The following CLEC16A variants were observed in gnomAD, a reference collection of about 807,000 sequenced individuals.
CLEC16A encodes protein CLEC16A.
CLEC16A carries 51 observed loss-of-function variants against 109.5 expected under a neutral mutation model. That is an observed-to-expected ratio of 0.47 (90% CI 0.37 to 0.59). The LOEUF (loss-of-function observed/expected upper bound fraction) is 0.59. Among genes scored for constraint, CLEC16A ranks in the 20% least tolerant of loss-of-function variants. CLEC16A has a pLI of 0.00. For missense variants in CLEC16A, 1,339 were observed against 1,394.0 expected, an observed-to-expected ratio of 0.96 and a Z score of 0.63; for synonymous variants, 673 against 564.2, an observed-to-expected ratio of 1.19 and a Z score of -2.73.
At chr16:10,986,753 G>GTGTGTGTC (rs1338673216) in intron 10 of CLEC16A, among the ~76,000 whole-genome samples, 1 of 138,802 alleles carries the variant, frequency 7.2e-6, no homozygotes, top group African/African-American at 2.8e-5. Flanking sequence ...GTGTGTGTGT[G>GTGTGTGTC]TGTGTGTGTA....
chr16:11,099,893 T>C (rs2050813307), intron 19 of CLEC16A, among the ~76,000 whole-genome samples: 1 of 152,118 alleles, frequency 6.6e-6, no homozygotes, highest in Non-Finnish European at 1.5e-5. Flanking sequence ...GCCTGTGCTG[T>C]GTTTAAGTGT....
intron 19 of CLEC16A, among the ~76,000 whole-genome samples, chr16:11,087,609 A>G (rs932665426): frequency 2.0e-5 from 3 of 152,254 alleles, no homozygotes; most frequent in Non-Finnish European, 2.9e-5. Flanking sequence ...ATTCAACCCC[A>G]GGTTCTTTTT....
chr16:11,127,197 T>C (rs2052886571), intron 22 of CLEC16A, among the ~76,000 whole-genome samples: 1 of 152,196 alleles, frequency 6.6e-6, no homozygotes, highest in Non-Finnish European at 1.5e-5. Context: ...ACACATGGGG[T>C]ATACCGTATG....
At chr16:11,156,793 C>T (rs1485426569) in intron 22 of CLEC16A, 1 of 633,954 alleles carries the variant, frequency 1.6e-6, no homozygotes, top group Admixed American at 2.6e-5. Flanking sequence ...AAGGTTGCAC[C>T]ACTGCGAGAG....
At chr16:11,041,158 CTATGAGACCTAGG>C (rs776673121) in intron 14 of CLEC16A, 1 of 152,262 alleles carries the variant, frequency 6.6e-6, no homozygotes. Context: ...CACTACCCAG[CTATGAGACCTAGG>C]ACAAGTCACT....
chr16:11,096,264 G>GAGTCCGGGAAGTCAAGCCTAT (rs1359535882), intron 19 of CLEC16A, among the ~76,000 whole-genome samples: 2 of 152,064 alleles, frequency 1.3e-5, no homozygotes, highest in African/African-American at 4.8e-5. Flanking sequence ...AGGATCATTT[G>GAGTCCGGGAAGTCAAGCCTAT]AGTCCGGGAA....
chr16:11,052,849 G>A (rs888928182), intron 18 of CLEC16A, among the ~76,000 whole-genome samples: 7 of 152,014 alleles, frequency 4.6e-5, no homozygotes, highest in African/African-American at 1.7e-4. Context: ...AGGACTGAAC[G>A]CTGAGCACTG....
intron 19 of CLEC16A, among the ~76,000 whole-genome samples, chr16:11,102,287 C>G (rs1319442956): frequency 6.6e-6 from 1 of 152,176 alleles, no homozygotes; most frequent in Non-Finnish European, 1.5e-5. Context: ...CAGAATGTTG[C>G]TCTGCTGCCC....
intron 11 of CLEC16A, among the ~76,000 whole-genome samples, chr16:11,015,160 C>T (rs977722318): frequency 5.8e-4 from 88 of 152,154 alleles, no homozygotes; most frequent in African/African-American, 1.7e-3. Flanking sequence ...AGATCTGATC[C>T]GCATTCATCT....
intron 19 of CLEC16A, among the ~76,000 whole-genome samples, chr16:11,111,346 T>C (rs2051571565): frequency 1.3e-5 from 2 of 152,210 alleles, no homozygotes; most frequent in Admixed American, 1.3e-4. Flanking sequence ...GCCTGGACCT[T>C]GGTTTCTCTC....
At chr16:11,136,840 C>T (rs1010658140) in intron 22 of CLEC16A, among the ~76,000 whole-genome samples, 14 of 152,212 alleles carry the variant, frequency 9.2e-5, no homozygotes, top group African/African-American at 2.4e-4. Context: ...ATTGGCACTG[C>T]GCCCATCTGA....
intron 19 of CLEC16A, among the ~76,000 whole-genome samples, chr16:11,090,256 A>G (rs1335482686): frequency 1.3e-5 from 2 of 152,072 alleles, no homozygotes; most frequent in Non-Finnish European, 1.5e-5. Flanking sequence ...GGGACTCGCT[A>G]TGTTGCCCAG....
chr16:11,073,163 C>G (rs184902392), intron 19 of CLEC16A, among the ~76,000 whole-genome samples: 2 of 152,206 alleles, frequency 1.3e-5, no homozygotes, highest in Admixed American at 1.3e-4. Flanking sequence ...AGTTGGATTG[C>G]AAGGCGAGTG....
chr16:10,971,106 G>A lies in CLEC16A; in HGVS notation c.493-19G>A, dbSNP rs199868443. ...GCTTATGGGCTTATAATTTGTTTTC[G>A]TTATTTCTTTTGTTTTAGCACACCA... On this transcript the variant is annotated intron_variant, in intron 4 of 23. Transcript: ENST00000409790. The A allele has an allele frequency of 7.6e-6, 12 of 1,569,082 alleles. No individual in the cohort carries two copies. The highest frequency in any genetic ancestry group is 3.4e-5 in the Admixed American group (2 of 59,356).
At chr16:10,974,480 C>T (rs1466274736) in intron 7 of CLEC16A, among the ~76,000 whole-genome samples, 2 of 152,122 alleles carry the variant, frequency 1.3e-5, no homozygotes, top group African/African-American at 2.4e-5. Flanking sequence ...CTGTCCTGTG[C>T]GTTGTAGGAT....
chr16:11,035,473 G>A (rs905883711), intron 13 of CLEC16A, among the ~76,000 whole-genome samples: 5 of 152,184 alleles, frequency 3.3e-5, no homozygotes, highest in Admixed American at 1.3e-4. Context: ...GGGAAAGAGC[G>A]TTAACCAGCG....
At chr16:11,050,008 C>T (rs1391736398) in intron 17 of CLEC16A, among the ~76,000 whole-genome samples, 1 of 152,208 alleles carries the variant, frequency 6.6e-6, no homozygotes, top group East Asian at 1.9e-4. Flanking sequence ...AGTATGTTTT[C>T]TGCAGCTATA....
At chr16:11,132,880 G>A (rs1412828837) in intron 22 of CLEC16A, among the ~76,000 whole-genome samples, 1 of 152,084 alleles carries the variant, frequency 6.6e-6, no homozygotes, top group East Asian at 1.9e-4. Context: ...ACAGAGGATG[G>A]GGCTGGAGGA....
At chr16:11,063,260 G>A (rs968499884) in intron 19 of CLEC16A, among the ~76,000 whole-genome samples, 4 of 142,652 alleles carry the variant, frequency 2.8e-5, no homozygotes, top group African/African-American at 7.8e-5. Context: ...TGGTTTATTT[G>A]GTTTTTTTCT....
Sources: allele counts gnomAD v4.1 joint callset (sites outside exome capture counted in the v4.1 genomes callset), GRCh38; gene constraint gnomAD v4.1.1; transcripts MANE v1.5; gene names NCBI Gene and HGNC (gene_info 2026-07-23, HGNC 2026-07-21).